Variants in TTC7B observed in about 807,000 individuals in gnomAD.
The protein encoded by TTC7B is tetratricopeptide repeat domain 7B.
A neutral mutation model predicts 106.8 loss-of-function variants in TTC7B; 28 were observed. The observed-to-expected ratio is 0.26, with a 90% CI of 0.19 to 0.36. TTC7B has a LOEUF of 0.36. TTC7B is among the 10% of genes least tolerant of loss of function. The probability of loss-of-function intolerance (pLI) is 1.00; values close to 1 mark genes in which losing one functional copy is unlikely to be tolerated. For synonymous variants in TTC7B, 405 were observed against 430.6 expected, an observed-to-expected ratio of 0.94 and a Z score of 0.74; for missense variants, 862 against 1,076.4, an observed-to-expected ratio of 0.80 and a Z score of 2.79.
intron 6 of TTC7B, among the ~76,000 whole-genome samples, chr14:90,695,268 A>G (rs1337571269): frequency 7.6e-6 from 1 of 132,134 alleles, no homozygotes; most frequent in Admixed American, 7.9e-5. Context: ...TATATGTCAC[A>G]CATACAATAT....
At chr14:90,652,025 G>A (rs1037505932) in intron 13 of TTC7B, among the ~76,000 whole-genome samples, 2 of 152,152 alleles carry the variant, frequency 1.3e-5, no homozygotes, top group Non-Finnish European at 2.9e-5. Flanking sequence ...ACATCATGGG[G>A]CTATGCTTCC....
chr14:90,613,261 G>A (rs10143845), intron 16 of TTC7B, among the ~76,000 whole-genome samples: 111 of 152,140 alleles, frequency 7.3e-4, no homozygotes, highest in African/African-American at 2.5e-3. Context: ...CAGGCTTGGC[G>A]GCATGCACCT....
intron 5 of TTC7B, among the ~76,000 whole-genome samples, chr14:90,712,594 C>T (rs1888490855): frequency 6.6e-6 from 1 of 152,084 alleles, no homozygotes; most frequent in Admixed American, 6.5e-5. Flanking sequence ...CTGAAAACTA[C>T]AAAACATTTT....
rs1351445140 is a variant in TTC7B, at chr14:90,658,378, T to C, written c.1162A>G (p.Arg388Gly). ...QYEMLSECLERAMKFAFEEFH... is the reference protein window; with the variant it reads ...QYEMLSECLEGAMKFAFEEFH... ...TCCTCAAAGGCAAACTTCATGGCTC[T>C]TTCTAGGCACTGGTTGGGAAAGAAA... Residue 388 changes from arginine (R) to glycine (G), a missense_variant, in exon 10 of 20, where the codon AGA becomes GGA. By Grantham distance (125) the Arg-to-Gly change is moderately radical. Transcript: ENST00000328459. The C allele has an allele frequency of 6.2e-7, 1 of 1,614,188 alleles. No homozygotes were observed. Among genetic ancestry groups the C allele is most frequent in the Admixed American group, 1.7e-5 (1 of 60,030 alleles).
At chr14:90,673,979 T>A (rs75090403) in intron 9 of TTC7B, among the ~76,000 whole-genome samples, 15,122 of 152,082 alleles carry the variant, frequency 0.099, 773 homozygotes, top group Non-Finnish European at 0.11. Flanking sequence ...GGGTTTCTTA[T>A]AGGGTGAGGA....
At chr14:90,566,173 G>T (rs1305704124) in intron 19 of TTC7B, among the ~76,000 whole-genome samples, 1 of 151,940 alleles carries the variant, frequency 6.6e-6, no homozygotes, top group Non-Finnish European at 1.5e-5. Context: ...CCAATATGTG[G>T]AATCCCTGTC....
intron 15 of TTC7B, among the ~76,000 whole-genome samples, chr14:90,641,560 A>C (rs778914855): frequency 3.9e-5 from 6 of 152,250 alleles, no homozygotes; most frequent in Non-Finnish European, 7.3e-5. Context: ...TCTGGCCCCA[A>C]CTTTTAATAA....
intron 5 of TTC7B, among the ~76,000 whole-genome samples, chr14:90,703,413 T>G (rs759910967): frequency 6.6e-6 from 1 of 152,052 alleles, no homozygotes; most frequent in Non-Finnish European, 1.5e-5. Flanking sequence ...GGGAGGAAAG[T>G]CCCTCCAAAC....
In TTC7B at chr14:90,527,061, A is replaced by G. The variant is rs1006843070; in HGVS notation, c.*14307T>C. 1 of 151,938 alleles carries G rather than the reference A, an allele frequency of 6.6e-6. No individual in the cohort carries two copies. Among genetic ancestry groups the G allele is most frequent in the African/African-American group, 2.4e-5 (1 of 41,344 alleles). The allele number at this position is 151,938 out of a possible 1,614,324, so 9.4% of individuals were successfully genotyped here. On this transcript the variant is annotated 3_prime_UTR_variant, in exon 20 of 20. Transcript: ENST00000328459. ...GGTATTGGTCAGGTATTTTGTAGAA[A>G]GTTCATCGGTTTGGGTTTGTCTGAT...
chr14:90,627,620 C>T (rs1479367749), intron 15 of TTC7B, among the ~76,000 whole-genome samples: 2 of 152,200 alleles, frequency 1.3e-5, no homozygotes, highest in Admixed American at 6.5e-5. Flanking sequence ...TTTGGCTGCG[C>T]CTCTTGGTGT....
chr14:90,731,660 A>AT (rs1300253165), intron 4 of TTC7B, among the ~76,000 whole-genome samples: 2 of 152,100 alleles, frequency 1.3e-5, no homozygotes, highest in African/African-American at 4.8e-5. Flanking sequence ...TGGGAACCTC[A>AT]TTTCCACCCA....
intron 4 of TTC7B, among the ~76,000 whole-genome samples, chr14:90,744,096 C>G (rs574510820): frequency 1.1e-4 from 17 of 152,340 alleles, no homozygotes; most frequent in African/African-American, 4.1e-4. Flanking sequence ...GCACCTTTGC[C>G]ATATCTGTCA....
At chr14:90,799,842 T>G (rs189342857) in intron 1 of TTC7B, among the ~76,000 whole-genome samples, 10 of 152,298 alleles carry the variant, frequency 6.6e-5, no homozygotes, top group East Asian at 5.8e-4. Context: ...TTGTTTGTTT[T>G]TTTTTGAGAC....
intron 15 of TTC7B, among the ~76,000 whole-genome samples, chr14:90,643,281 G>T (rs1290606423): frequency 6.6e-6 from 1 of 151,918 alleles, no homozygotes; most frequent in Non-Finnish European, 1.5e-5. Context: ...GGTGGCAGGC[G>T]CCTGTAGTCC....
intron 3 of TTC7B, among the ~76,000 whole-genome samples, chr14:90,773,589 C>T (rs769162358): frequency 6.6e-6 from 1 of 152,308 alleles, no homozygotes; most frequent in East Asian, 1.9e-4. Context: ...TCTCCATCAG[C>T]GCTCAATAAA....
intron 3 of TTC7B, among the ~76,000 whole-genome samples, chr14:90,770,361 G>A (rs1890822166): frequency 6.6e-6 from 1 of 152,124 alleles, no homozygotes; most frequent in Non-Finnish European, 1.5e-5. Flanking sequence ...TCTTAAGAAT[G>A]AATAGAACAA....
At chr14:90,803,536 G>A (rs1466063509) in intron 1 of TTC7B, among the ~76,000 whole-genome samples, 1 of 152,132 alleles carries the variant, frequency 6.6e-6, no homozygotes, top group Non-Finnish European at 1.5e-5. Context: ...TAACTCTCCT[G>A]GTTTAAACTG....
intron 8 of TTC7B, among the ~76,000 whole-genome samples, chr14:90,677,335 C>T (rs1221489371): frequency 6.6e-6 from 1 of 152,086 alleles, no homozygotes; most frequent in Non-Finnish European, 1.5e-5. Context: ...AAGAGAACAC[C>T]GTCAATTTTC....
rs138540595 is a variant in TTC7B at position 90,719,723 on chromosome 14, A to T, written c.698+10352T>A. ...TGCTGGCAATTTGTGGTTCTGTCCTATATCTATCTAAGTAGATGGGTGTCA... is the reference window on the plus strand; with the variant it reads ...TGCTGGCAATTTGTGGTTCTGTCCTTTATCTATCTAAGTAGATGGGTGTCA... On this transcript the variant is annotated intron_variant, in intron 5 of 19. Transcript: ENST00000328459. Among the ~76,000 whole-genome samples, 257 of 152,340 alleles carry T rather than the reference A, an allele frequency of 1.7e-3. 1 individual carries two copies. Among genetic ancestry groups the T allele is most frequent in the South Asian group, 2.9e-3 (14 of 4,826 alleles).
Sources: gnomAD v4.1 joint callset for allele counts (sites outside exome capture counted in the v4.1 genomes callset) on GRCh38, gnomAD v4.1.1 for gene constraint, MANE v1.5 for transcripts, NCBI Gene and HGNC (gene_info 2026-07-23, HGNC 2026-07-21) for gene names.